The following GALNT2 variants were observed in gnomAD, a reference collection of about 807,000 sequenced individuals.
The protein encoded by GALNT2 is polypeptide N-acetylgalactosaminyltransferase 2.
A neutral mutation model predicts 81.4 loss-of-function variants in GALNT2; 31 were observed. The observed-to-expected ratio is 0.38, with a 90% CI of 0.29 to 0.51. The LOEUF (loss-of-function observed/expected upper bound fraction) is 0.51, where lower values mean the gene tolerates loss of function less well. Ranked by LOEUF, GALNT2 falls within the 20% of genes least tolerant of loss-of-function variation. The pLI, the probability that GALNT2 is intolerant of heterozygous loss-of-function variation, is 0.87. For synonymous variants in GALNT2, 303 were observed against 287.4 expected, an observed-to-expected ratio of 1.05 and a Z score of -0.55; for missense variants, 629 against 765.7, an observed-to-expected ratio of 0.82 and a Z score of 2.11.
At chr1:230,143,438 A>G (rs760091954) in intron 1 of GALNT2, among the ~76,000 whole-genome samples, 14 of 152,212 alleles carry the variant, frequency 9.2e-5, no homozygotes, top group Non-Finnish European at 2.1e-4. Context: ...TGCAGGTTCC[A>G]CAGTCACACA....
At chr1:230,278,149 T>C (rs1245642894) in intron 15 of GALNT2, among the ~76,000 whole-genome samples, 1 of 150,438 alleles carries the variant, frequency 6.6e-6, no homozygotes, top group African/African-American at 2.4e-5. Flanking sequence ...GATCTCACTC[T>C]GTTGCTTAAG....
intron 1 of GALNT2, chr1:230,058,218 G>C (rs1658962610): frequency 4.7e-6 from 2 of 427,422 alleles, no homozygotes; most frequent in Admixed American, 4.9e-5. Context: ...GCTCACTCAG[G>C]GGCAGCCTGG....
intron 10 of GALNT2, among the ~76,000 whole-genome samples, chr1:230,254,340 A>T (rs1665641185): frequency 6.6e-6 from 1 of 152,178 alleles, no homozygotes; most frequent in Non-Finnish European, 1.5e-5. Flanking sequence ...GCCTAGACCT[A>T]CACATCTCAT....
intron 1 of GALNT2, among the ~76,000 whole-genome samples, chr1:230,094,280 G>A (rs1234729509): frequency 2.7e-5 from 4 of 150,226 alleles, no homozygotes; most frequent in Non-Finnish European, 5.9e-5. Flanking sequence ...TAAAATGCTG[G>A]GATTACAGGC....
chr1:230,083,813 A>C (rs896024628), intron 1 of GALNT2, among the ~76,000 whole-genome samples: 2 of 152,106 alleles, frequency 1.3e-5, no homozygotes, highest in Admixed American at 1.3e-4. Context: ...ACTCTGTAAG[A>C]AAGGGTTGGA....
At chr1:230,265,704 C>T (rs1666017253) in intron 14 of GALNT2, among the ~76,000 whole-genome samples, 1 of 152,232 alleles carries the variant, frequency 6.6e-6, no homozygotes, top group Non-Finnish European at 1.5e-5. Flanking sequence ...AGCACCCATT[C>T]TGCCTCTGCG....
intron 3 of GALNT2, among the ~76,000 whole-genome samples, chr1:230,216,847 T>TTC (rs1409489481): frequency 1.3e-5 from 2 of 152,234 alleles, no homozygotes; most frequent in Non-Finnish European, 2.9e-5. Context: ...CTATATTGAA[T>TTC]AAGCCATGAT....
At position 230,275,911 on chromosome 1, in the gene GALNT2, T is replaced by C. The variant is rs1021815270; in HGVS notation, c.1560+1347T>C. Among the ~76,000 whole-genome samples the C allele has an allele frequency of 7.2e-6, 1 of 138,144 alleles. No individual in the cohort carries two copies. Among genetic ancestry groups the C allele is most frequent in the Admixed American group, 7.3e-5 (1 of 13,642 alleles). 90.6% of individuals were successfully genotyped at this position (138,144 alleles called of 152,430 possible). A position where few individuals can be genotyped will look rare whatever the true frequency, so the allele number is the denominator to read the frequency against. On this transcript the variant is annotated intron_variant, in intron 15 of 15. Coordinates refer to ENST00000366672, the MANE Select transcript of GALNT2 (RefSeq NM_004481.5). This position sits in a 1 kb window ranked among gnomAD's most constrained non-coding sequence, Gnocchi z 5.5. The stretch of plus-strand genomic sequence containing the variant: ...CATATATAAACACCACATATATACA[T>C]AGACACCACAGATACATACATATAT...
intron 2 of GALNT2, among the ~76,000 whole-genome samples, chr1:230,201,128 T>C (rs77333347): frequency 1.2e-3 from 187 of 152,192 alleles, no homozygotes; most frequent in African/African-American, 4.3e-3. Flanking sequence ...AGTAAGTATT[T>C]TTAGGATGGT....
chr1:230,246,396 C>T (rs1028430827), intron 8 of GALNT2, among the ~76,000 whole-genome samples: 2 of 152,216 alleles, frequency 1.3e-5, no homozygotes, highest in Admixed American at 6.5e-5. Flanking sequence ...GTCACTTTTG[C>T]GAGCCATGTG....
At chr1:230,253,039 G>A (rs1207641804) in intron 10 of GALNT2, among the ~76,000 whole-genome samples, 1 of 151,734 alleles carries the variant, frequency 6.6e-6, no homozygotes, top group African/African-American at 2.4e-5. Flanking sequence ...GTAGAGACAG[G>A]GTTTCTCCAT....
intron 2 of GALNT2, among the ~76,000 whole-genome samples, chr1:230,182,060 T>G (rs1159605096): frequency 6.6e-6 from 1 of 152,230 alleles, no homozygotes; most frequent in Admixed American, 6.5e-5. Context: ...GTCCTTTTCA[T>G]ATCCATGGGA....
At chr1:230,221,338 A>G (rs1284950393) in intron 3 of GALNT2, among the ~76,000 whole-genome samples, 4 of 152,180 alleles carry the variant, frequency 2.6e-5, no homozygotes, top group Non-Finnish European at 1.5e-5. Flanking sequence ...TGGGATGAAT[A>G]TTTTCGAATA....
chr1:230,184,481 G>A (rs776940968), intron 2 of GALNT2, among the ~76,000 whole-genome samples: 19 of 151,782 alleles, frequency 1.3e-4, no homozygotes, highest in Admixed American at 1.2e-3. Flanking sequence ...GAGCCACCGC[G>A]CCTGGCCTGA....
At chr1:230,074,435 C>T (rs1423934384) in intron 1 of GALNT2, among the ~76,000 whole-genome samples, 2 of 152,148 alleles carry the variant, frequency 1.3e-5, no homozygotes, top group African/African-American at 2.4e-5. Context: ...GTAGCAGCTT[C>T]CCCAGCCTCT....
Position 230,122,593 on chromosome 1 carries a change from C to T in GALNT2, c.126+55187C>T, listed in dbSNP as rs761509966. ...CAGAAAACCACAGTGGATCAGCGTG[C>T]AGGAATGCATAAGGGTGGCTCTGTG... On this transcript the variant is annotated intron_variant, in intron 1 of 15. Coordinates refer to ENST00000366672, the MANE Select transcript of GALNT2 (RefSeq NM_004481.5). Among the ~76,000 whole-genome samples the T allele has an allele frequency of 6.6e-5, 10 of 151,162 alleles. 1 individual carries two copies. Among genetic ancestry groups the T allele is most frequent in the Non-Finnish European group, 7.4e-5 (5 of 67,838 alleles).
At chr1:230,251,805 A>G (rs771251555) in intron 10 of GALNT2, among the ~76,000 whole-genome samples, 16 of 152,156 alleles carry the variant, frequency 1.1e-4, no homozygotes, top group Non-Finnish European at 2.9e-5. Context: ...TTTGCATACT[A>G]TTAGCTGAAA....
At chr1:230,203,036 G>A (rs759891997) in intron 2 of GALNT2, 101 bp from the exon 3 acceptor site, 67 of 1,296,646 alleles carry the variant, frequency 5.2e-5, no homozygotes, top group Non-Finnish European at 6.5e-5. Context: ...ATATAAAGAA[G>A]CCATGGATGT....
At chr1:230,251,569 TG>T (rs1404403710) in intron 10 of GALNT2, among the ~76,000 whole-genome samples, 2 of 152,124 alleles carry the variant, frequency 1.3e-5, no homozygotes, top group Admixed American at 1.3e-4. Flanking sequence ...AAACTCCTTT[TG>T]GGTTGTTTTA....
Sources: allele counts gnomAD v4.1 joint callset (sites outside exome capture counted in the v4.1 genomes callset), GRCh38; gene constraint gnomAD v4.1.1; non-coding constraint Gnocchi (gnomAD v3.1); transcripts MANE v1.5; gene names NCBI Gene and HGNC (gene_info 2026-07-23, HGNC 2026-07-21).